Variants in MAP3K7 observed in about 807,000 individuals in gnomAD.
MAP3K7 encodes the protein mitogen-activated protein kinase kinase kinase 7.
A neutral mutation model predicts 84.8 loss-of-function variants in MAP3K7; 21 were observed. That is an observed-to-expected ratio of 0.25 (90% CI 0.18 to 0.36). The LOEUF (loss-of-function observed/expected upper bound fraction) is 0.36. Ranked by LOEUF, MAP3K7 falls within the 10% of genes least tolerant of loss-of-function variation. The pLI, the probability that MAP3K7 is intolerant of heterozygous loss-of-function variation, is 1.00. For missense variants in MAP3K7, 503 were observed against 747.7 expected (o/e 0.67, Z 3.82); for synonymous variants, 241 against 247.7 (o/e 0.97, Z 0.25).
At chr6:90,547,922 T>G in intron 10 of MAP3K7, 125 bp downstream of exon 10, 1 of 747,412 alleles carries the variant, frequency 1.3e-6, no homozygotes, top group Non-Finnish European at 2.0e-6. Context: ...GTAAGCTCTT[T>G]TGCATGTTTC....
In MAP3K7 at chr6:90,587,020, T is replaced by C. The variant is rs571902722; in HGVS notation, c.-137A>G. ...ACTACCCGGCGATCCGTGGCGGGGG[T>C]AGAGGCAGCGGCCACAGCCGTGTCC... On this transcript the variant is annotated 5_prime_UTR_variant, in exon 1 of 17. Coordinates refer to ENST00000369329, the MANE Select transcript of MAP3K7 (RefSeq NM_145331.3). 4.3e-5 allele frequency: 47 copies of C among 1,084,620 alleles called. No individual in the cohort carries two copies. Among genetic ancestry groups the C allele is most frequent in the Middle Eastern group, 6.4e-4 (2 of 3,144 alleles). The allele number at this position is 1,084,620 out of a possible 1,614,324, so 67.2% of individuals were successfully genotyped here.
At chr6:90,542,245 A>C in intron 12 of MAP3K7, 1 of 984,210 alleles carries the variant, frequency 1.0e-6, no homozygotes, top group Non-Finnish European at 1.2e-6. Context: ...ATTTAAAAAC[A>C]TTACCTATGA....
intron 11 of MAP3K7, among the ~76,000 whole-genome samples, chr6:90,546,368 TA>T (rs781243277): frequency 3.3e-5 from 5 of 152,156 alleles, no homozygotes; most frequent in Non-Finnish European, 5.9e-5. Context: ...CACATGAATA[TA>T]TACATTTATA....
intron 1 of MAP3K7, among the ~76,000 whole-genome samples, chr6:90,583,836 C>G (rs1427918805): frequency 2.6e-5 from 4 of 152,166 alleles, no homozygotes; most frequent in Non-Finnish European, 4.4e-5. Context: ...TTCTCTACAG[C>G]CAGTTCTAGA....
chr6:90,525,361 AT>A (rs898879223), intron 13 of MAP3K7, among the ~76,000 whole-genome samples: 3 of 151,424 alleles, frequency 2.0e-5, no homozygotes, highest in East Asian at 1.9e-4. Flanking sequence ...TTAAAAACTA[AT>A]TTTTTTTTGT....
At chr6:90,517,234 G>A (rs919163840) in intron 16 of MAP3K7, among the ~76,000 whole-genome samples, 1 of 151,730 alleles carries the variant, frequency 6.6e-6, no homozygotes, top group African/African-American at 2.4e-5. Flanking sequence ...ACATTTGCAA[G>A]CACTTTCAGG....
intron 1 of MAP3K7, among the ~76,000 whole-genome samples, chr6:90,585,388 C>T (rs979341822): frequency 1.3e-5 from 2 of 152,152 alleles, no homozygotes; most frequent in Non-Finnish European, 1.5e-5. Flanking sequence ...ATTTGTTGAA[C>T]GTTATCTCAC....
intron 6 of MAP3K7, 98 bp downstream of exon 6, chr6:90,556,402 A>C: frequency 7.8e-7 from 1 of 1,289,948 alleles, no homozygotes; most frequent in Non-Finnish European, 1.1e-6. Context: ...TGTATTATGC[A>C]GAAATAAAAC....
intron 12 of MAP3K7, among the ~76,000 whole-genome samples, chr6:90,539,304 G>T (rs182226139): frequency 6.6e-5 from 10 of 151,916 alleles, no homozygotes; most frequent in African/African-American, 2.4e-4. Flanking sequence ...TATACAATAT[G>T]GCAGAAAGGC....
chr6:90,580,362 C>T (rs1777229513), intron 1 of MAP3K7, among the ~76,000 whole-genome samples: 1 of 152,156 alleles, frequency 6.6e-6, no homozygotes, highest in Admixed American at 6.5e-5. Flanking sequence ...TGAAAGAAGG[C>T]CACTTTTTAT....
chr6:90,565,498 C>T (rs577694380), intron 3 of MAP3K7, among the ~76,000 whole-genome samples: 6 of 152,120 alleles, frequency 3.9e-5, no homozygotes, highest in Non-Finnish European at 8.8e-5. Context: ...ATACACCCTC[C>T]CAAGACTAAA....
At chr6:90,577,992 T>C (rs1777142850) in intron 1 of MAP3K7, among the ~76,000 whole-genome samples, 1 of 152,174 alleles carries the variant, frequency 6.6e-6, no homozygotes, top group South Asian at 2.1e-4. Context: ...CCATATGTCA[T>C]CTTGGGCAGG....
chr6:90,536,457 C>T (rs372705374), intron 12 of MAP3K7, 56 bp from the exon 13 acceptor site: 169 of 1,307,926 alleles, frequency 1.3e-4, no homozygotes, highest in Non-Finnish European at 1.7e-4. Context: ...AGACAAAAAG[C>T]GTGTAATTGC....
rs1281068983 is a variant in MAP3K7, at chr6:90,514,058, AAAATGTAATT to A, written c.*2433_*2442del. 4.0e-5 allele frequency: 3 copies of A among 75,314 alleles called. No homozygotes were observed. Among genetic ancestry groups the A allele is most frequent in the African/African-American group, 1.1e-4 (2 of 17,692 alleles). 4.7% of individuals were successfully genotyped at this position (75,314 alleles called of 1,614,324 possible). Reference sequence around the variant, plus strand: ...GCTTTCTTTTCCTGGAGTCAAGAGTAAAATGTAATTAATGTAATTAGGGCTTACTCAGTGA... The same window carrying A: ...GCTTTCTTTTCCTGGAGTCAAGAGTAAATGTAATTAGGGCTTACTCAGTGA... On this transcript the variant is annotated 3_prime_UTR_variant, in exon 17 of 17. Coordinates refer to ENST00000369329, the MANE Select transcript of MAP3K7 (RefSeq NM_145331.3).
In MAP3K7 at chr6:90,535,719, G is replaced by C. The variant is rs558489417; in HGVS notation, c.1356+618C>G. Among the ~76,000 whole-genome samples, 286 of 152,190 alleles carry C rather than the reference G, an allele frequency of 1.9e-3. 4 individuals are homozygous for C. The highest frequency in any genetic ancestry group is 0.01 in the Middle Eastern group (3 of 294). ...AATTATAACACTGTCTGCATCATCT[G>C]CAAAGCAGCAGTGATAAAGAGACAA... On this transcript the variant is annotated intron_variant, in intron 13 of 16. Transcript: ENST00000369329.
At chr6:90,566,057 C>T (rs1321180570) in intron 3 of MAP3K7, among the ~76,000 whole-genome samples, 9 of 152,102 alleles carry the variant, frequency 5.9e-5, no homozygotes, top group Non-Finnish European at 1.3e-4. Flanking sequence ...ACTGATGGGA[C>T]GTATCTCAAA....
At position 90,523,731 on chromosome 6, in the gene MAP3K7, G is replaced by A. The variant is rs1775229405; in HGVS notation, c.1409C>T (p.Pro470Leu). 2 of 1,613,208 alleles carry A rather than the reference G, an allele frequency of 1.2e-6. No homozygotes were observed. The highest frequency in any genetic ancestry group is 2.7e-5 in the African/African-American group (2 of 74,808). ...PSVRMITTSG[P>L]TSEKPTRSHP... ...ACTTCGAGTTGGCTTTTCTGAGGTT[G>A]GTCCTGAGGTAGTAATCATTCTGAC... Residue 470 changes from proline (P) to leucine (L), a missense_variant, in exon 14 of 17, where the codon CCA becomes CTA. Coordinates refer to ENST00000369329, the MANE Select transcript of MAP3K7 (RefSeq NM_145331.3).
chr6:90,526,071 G>A (rs900157025), intron 13 of MAP3K7, among the ~76,000 whole-genome samples: 8 of 151,960 alleles, frequency 5.3e-5, no homozygotes, highest in African/African-American at 1.9e-4. Flanking sequence ...CTGACCTAAT[G>A]GCTTCAAGAA....
Position 90,547,896 on chromosome 6 carries a change from T to C in MAP3K7, c.1080+151A>G, listed in dbSNP as rs1022263748. On this transcript the variant is annotated intron_variant, in intron 10 of 16. Transcript: ENST00000369329. Reference sequence around the variant, plus strand: ...GGTAATAAATGGTAGGAGAATCTCATTACGTGTCTCTATTTGTAAGCTCTT... The same window carrying C: ...GGTAATAAATGGTAGGAGAATCTCACTACGTGTCTCTATTTGTAAGCTCTT... 2.9e-5 allele frequency: 17 copies of C among 582,728 alleles called. 1 individual carries two copies. In the South Asian group the frequency reaches 5.2e-4, roughly 18 times the overall value. The allele number at this position is 582,728 out of a possible 1,614,324, so 36.1% of individuals were successfully genotyped here. A position where few individuals can be genotyped will look rare whatever the true frequency, so the allele number is the denominator to read the frequency against.
Sources: allele counts gnomAD v4.1 joint callset (sites outside exome capture counted in the v4.1 genomes callset), GRCh38; gene constraint gnomAD v4.1.1; transcripts MANE v1.5; gene names NCBI Gene and HGNC (gene_info 2026-07-23, HGNC 2026-07-21).